Variants in METAP1 observed in about 807,000 individuals in gnomAD.
The protein encoded by METAP1 is methionyl aminopeptidase 1.
A neutral mutation model predicts 53.8 loss-of-function variants in METAP1; 28 were observed. That is an observed-to-expected ratio of 0.52 (90% CI 0.39 to 0.71). METAP1 has a LOEUF of 0.71. METAP1 is among the 30% of genes least tolerant of loss of function. METAP1 has a pLI of 0.00. For missense variants in METAP1, 389 were observed against 479.8 expected (o/e 0.81, Z 1.77); for synonymous variants, 181 against 165.7 (o/e 1.09, Z -0.71).
intron 4 of METAP1, among the ~76,000 whole-genome samples, chr4:99,037,342 G>A (rs1725504378): frequency 6.6e-6 from 1 of 151,880 alleles, no homozygotes; most frequent in South Asian, 2.1e-4. Context: ...ATTTTACAGT[G>A]TGTATGGCTC....
chr4:99,018,252 T>G (rs1390275533), intron 1 of METAP1, among the ~76,000 whole-genome samples: 1 of 152,238 alleles, frequency 6.6e-6, no homozygotes, highest in East Asian at 1.9e-4. Context: ...ATGTCTAACT[T>G]CTGTTTCTAC....
At chr4:99,017,044 A>C (rs1328706188) in intron 1 of METAP1, among the ~76,000 whole-genome samples, 1 of 152,194 alleles carries the variant, frequency 6.6e-6, no homozygotes, top group African/African-American at 2.4e-5. Flanking sequence ...AGTTAGATGA[A>C]ATATTTGTTT....
intron 3 of METAP1, 91 bp downstream of exon 3, chr4:99,034,433 A>C: frequency 1.3e-6 from 1 of 760,600 alleles, no homozygotes; most frequent in Non-Finnish European, 2.3e-6. Context: ...GAATCATATA[A>C]TCAGGATTGT....
chr4:99,039,205 T>C (rs918244949), intron 4 of METAP1, 169 bp from the exon 5 acceptor site: 1 of 452,210 alleles, frequency 2.2e-6, no homozygotes, highest in African/African-American at 2.0e-5. Flanking sequence ...TTCCCTTTGA[T>C]GTTGAAAATG....
chr4:99,010,668 T>C (rs1723421993), intron 1 of METAP1, among the ~76,000 whole-genome samples: 1 of 152,240 alleles, frequency 6.6e-6, no homozygotes, highest in Admixed American at 6.5e-5. Flanking sequence ...CCTTGAGATT[T>C]CATATGAATT....
At chr4:99,005,283 G>A (rs1194469903) in intron 1 of METAP1, among the ~76,000 whole-genome samples, 1 of 151,494 alleles carries the variant, frequency 6.6e-6, no homozygotes, top group Non-Finnish European at 1.5e-5. Flanking sequence ...AAACAAATCA[G>A]CAAGAAAAAA....
intron 8 of METAP1, among the ~76,000 whole-genome samples, chr4:99,045,704 C>T (rs1726172461): frequency 1.3e-5 from 2 of 152,096 alleles, no homozygotes; most frequent in Admixed American, 6.5e-5. Flanking sequence ...TTACACTTGC[C>T]TCCCCTCTTA....
At chr4:99,033,227 A>G (rs1725174886) in intron 2 of METAP1, among the ~76,000 whole-genome samples, 1 of 151,960 alleles carries the variant, frequency 6.6e-6, no homozygotes, top group Admixed American at 6.6e-5. Flanking sequence ...TGTATTTTAA[A>G]TAGATTGTTT....
intron 1 of METAP1, among the ~76,000 whole-genome samples, chr4:98,999,686 T>A (rs1007619225): frequency 6.6e-6 from 1 of 151,180 alleles, no homozygotes; most frequent in Non-Finnish European, 1.5e-5. Flanking sequence ...AATTTTTTTG[T>A]ATTTTTAGTA....
rs1579222328 is a variant in METAP1 at position 98,996,477 on chromosome 4, A to G, written c.114+610A>G. 2.0e-5 allele frequency among the ~76,000 whole-genome samples: 3 copies of G among 152,354 alleles called. No homozygotes were observed. In the Middle Eastern group the frequency reaches 0.01, roughly 518 times the overall value. ...ACTACCGTGCTTTGACACTTAAGCAACTTTGGGGGTGGGGAAGGGAGAGGT... is the reference window on the plus strand; with the variant it reads ...ACTACCGTGCTTTGACACTTAAGCAGCTTTGGGGGTGGGGAAGGGAGAGGT... On this transcript the variant is annotated intron_variant, in intron 1 of 10. Coordinates refer to ENST00000296411, the MANE Select transcript of METAP1 (RefSeq NM_015143.3).
chr4:99,044,694 G>A (rs573416066), intron 7 of METAP1, among the ~76,000 whole-genome samples: 2 of 152,104 alleles, frequency 1.3e-5, no homozygotes, highest in East Asian at 3.9e-4. Context: ...TGGGGACAAA[G>A]AGAAGAATGA....
chr4:99,045,271 C>G lies in METAP1; in HGVS notation c.748C>G (p.Gln250Glu). The change falls in exon 8 of 11, where the codon CAG (glutamine) becomes GAG (glutamate). Residue 250 changes from glutamine (Q) to glutamate (E), a missense_variant. Transcript: ENST00000296411. ...EVDDGARKLV[Q>E]TTYECLMQAI... ...GGATGATGGAGCACGGAAACTTGTT[C>G]AGACCACATATGAGTGCCTGATGCA... The G allele has an allele frequency of 6.2e-7, 1 of 1,613,802 alleles. No individual in the cohort carries two copies. Among genetic ancestry groups the G allele is most frequent in the Non-Finnish European group, 8.5e-7 (1 of 1,179,800 alleles).
chr4:99,058,200 A>G (rs1380609280), intron 10 of METAP1, among the ~76,000 whole-genome samples: 1 of 152,184 alleles, frequency 6.6e-6, no homozygotes, highest in Non-Finnish European at 1.5e-5. Flanking sequence ...CGAGGCAGAC[A>G]TGATTATATG....
chr4:99,001,366 A>G (rs1722917530), intron 1 of METAP1, among the ~76,000 whole-genome samples: 1 of 152,224 alleles, frequency 6.6e-6, no homozygotes, highest in East Asian at 1.9e-4. Context: ...AATTTCATAA[A>G]TTGTTTATTG....
chr4:99,057,251 T>C (rs1217457829), intron 9 of METAP1, among the ~76,000 whole-genome samples: 1 of 152,246 alleles, frequency 6.6e-6, no homozygotes, highest in East Asian at 1.9e-4. Context: ...TGAAACATTA[T>C]GAAAATCATG....
chr4:99,005,444 C>T (rs1158051080), intron 1 of METAP1, among the ~76,000 whole-genome samples: 1 of 152,186 alleles, frequency 6.6e-6, no homozygotes, highest in African/African-American at 2.4e-5. Flanking sequence ...CCACCTTACT[C>T]CAGCCAGAAT....
At chr4:98,998,265 G>A (rs1442167009) in intron 1 of METAP1, among the ~76,000 whole-genome samples, 1 of 152,216 alleles carries the variant, frequency 6.6e-6, no homozygotes, top group African/African-American at 2.4e-5. Flanking sequence ...GCTCACACCT[G>A]TAATCTCAGC....
intron 10 of METAP1, among the ~76,000 whole-genome samples, 163 bp downstream of exon 10, chr4:99,057,981 G>A (rs773153401): frequency 1.4e-4 from 21 of 152,112 alleles, no homozygotes; most frequent in Non-Finnish European, 2.5e-4. Flanking sequence ...AAAATTGTGA[G>A]GGTTGGCAAG....
rs2110449219 is a variant in METAP1, at chr4:99,062,597, G to A, written c.*1280G>A. 1 of 152,720 alleles carries A rather than the reference G, an allele frequency of 6.5e-6. No individual in the cohort carries two copies. Among genetic ancestry groups the A allele is most frequent in the African/African-American group, 2.4e-5 (1 of 41,558 alleles). The allele number at this position is 152,720 out of a possible 1,614,324, so 9.5% of individuals were successfully genotyped here. A position where few individuals can be genotyped will look rare whatever the true frequency, so the allele number is the denominator to read the frequency against. On this transcript the variant is annotated 3_prime_UTR_variant, in exon 11 of 11. Coordinates refer to ENST00000296411, the MANE Select transcript of METAP1 (RefSeq NM_015143.3). ...CTTGTAAGAGAACATCTTTCCCAGA[G>A]TGCCTCAGACCTTATTGCTTTAAAA... is the stretch of plus-strand genomic sequence containing the variant.
Sources: gnomAD v4.1 joint callset for allele counts (sites outside exome capture counted in the v4.1 genomes callset) on GRCh38, gnomAD v4.1.1 for gene constraint, MANE v1.5 for transcripts, NCBI Gene and HGNC (gene_info 2026-07-23, HGNC 2026-07-21) for gene names.